NPTXR: variants seen among roughly 807,000 people sequenced by gnomAD.
NPTXR encodes the protein neuronal pentraxin receptor.
Under a neutral mutation model 32.2 loss-of-function variants are expected in NPTXR, and 12 were observed. The observed-to-expected ratio is 0.37, with a 90% CI of 0.24 to 0.60. The LOEUF is 0.60. NPTXR is among the 20% of genes least tolerant of loss of function. NPTXR has a pLI of 0.66. For synonymous variants in NPTXR, 323 were observed against 315.8 expected (o/e 1.02, Z -0.24); for missense variants, 612 against 682.9 (o/e 0.90, Z 1.16).
rs1427587998 is a variant in NPTXR at position 38,822,212 on chromosome 22, T to C, written c.*397A>G. 4.2e-6 allele frequency: 1 copy of C among 240,116 alleles called. No individual in the cohort carries two copies. Among genetic ancestry groups the C allele is most frequent in the Admixed American group, 4.9e-5 (1 of 20,540 alleles). The allele number at this position is 240,116 out of a possible 1,614,324, so 14.9% of individuals were successfully genotyped here. Reference sequence around the variant, plus strand: ...AGGGGAAGCCACTGGGCCTGTTGCATGGGGGACAAGGGGGCGGGCGGCCAC... The same window carrying C: ...AGGGGAAGCCACTGGGCCTGTTGCACGGGGGACAAGGGGGCGGGCGGCCAC... On this transcript the variant is annotated 3_prime_UTR_variant, in exon 5 of 5. Transcript: ENST00000333039.
intron 1 of NPTXR, among the ~76,000 whole-genome samples, chr22:38,833,908 C>T (rs979403911): frequency 6.6e-6 from 1 of 152,152 alleles, no homozygotes; most frequent in African/African-American, 2.4e-5. Flanking sequence ...CATCTCCTGA[C>T]CTTGTGATGG....
intron 1 of NPTXR, among the ~76,000 whole-genome samples, chr22:38,829,580 C>T (rs2093113010): frequency 6.6e-6 from 1 of 152,240 alleles, no homozygotes; most frequent in South Asian, 2.1e-4. Flanking sequence ...CACCATCCTC[C>T]TGGATTCCCC....
chr22:38,841,262 C>T (rs2093131222), intron 1 of NPTXR, among the ~76,000 whole-genome samples: 2 of 152,256 alleles, frequency 1.3e-5, no homozygotes, highest in Admixed American at 6.5e-5. Flanking sequence ...CAGGGCCCCG[C>T]CCTTCTCTGT....
chr22:38,820,100 T>C lies in NPTXR; in HGVS notation c.*2509A>G, dbSNP rs1375720477. The C allele has an allele frequency of 6.6e-6, 1 of 152,590 alleles. No homozygotes were observed. The highest frequency in any genetic ancestry group is 1.5e-5 in the Non-Finnish European group (1 of 68,026). 9.5% of individuals were successfully genotyped at this position (152,590 alleles called of 1,614,324 possible). On this transcript the variant is annotated 3_prime_UTR_variant, in exon 5 of 5. Transcript: ENST00000333039. ...AAACAATAACAGAAACACATCAAGC[T>C]TGGCGTCACTGAAATTGAAGTTCTG...
Position 38,828,351 on chromosome 22 carries a change from C to T in NPTXR, c.786G>A (p.Arg262=). ...ACTCCTTTTCCACTTCCTGCCTCTGCCGGCGGCTGCTGTGGCTGAGGGCCA... is the reference window on the plus strand; with the variant it reads ...ACTCCTTTTCCACTTCCTGCCTCTGTCGGCGGCTGCTGTGGCTGAGGGCCA... Residue 262 remains arginine (R), a synonymous_variant, in exon 2 of 5, where the codon CGG becomes CGA. Transcript: ENST00000333039. The T allele has an allele frequency of 6.2e-7, 1 of 1,613,176 alleles. No homozygotes were observed.
chr22:38,833,673 C>T (rs1283820666), intron 1 of NPTXR, among the ~76,000 whole-genome samples: 3 of 115,694 alleles, frequency 2.6e-5, no homozygotes, highest in Admixed American at 8.2e-5. Context: ...TTTTTTTTTG[C>T]GATGGAGTTT....
Position 38,834,674 on chromosome 22 carries a change from C to T in NPTXR, c.625-6162G>A, listed in dbSNP as rs2093121457. On this transcript the variant is annotated intron_variant, in intron 1 of 4. Coordinates refer to ENST00000333039, the MANE Select transcript of NPTXR (RefSeq NM_014293.4). The surrounding 1 kb of genome is among the most constrained non-coding windows in gnomAD (Gnocchi z 4.4). ...AGCAACATGGCGTCGTAGTTGCAGA[C>T]ACGAACTGTCACGTTAGACAGGCCA... 6.6e-6 allele frequency among the ~76,000 whole-genome samples: 1 copy of T among 152,082 alleles called. No homozygotes were observed. The highest frequency in any genetic ancestry group is 1.5e-5 in the Non-Finnish European group (1 of 68,026).
chr22:38,830,798 A>G (rs902823143), intron 1 of NPTXR, among the ~76,000 whole-genome samples: 1 of 152,150 alleles, frequency 6.6e-6, no homozygotes, highest in African/African-American at 2.4e-5. Flanking sequence ...GGCAACAGAC[A>G]CAAGTCACTG....
rs1435020171 is a variant in NPTXR, at chr22:38,843,474, T to C, written c.385A>G (p.Thr129Ala). 2 of 1,332,928 alleles carry C rather than the reference T, an allele frequency of 1.5e-6. No homozygotes were observed. The highest frequency in any genetic ancestry group is 3.9e-5 in the South Asian group (2 of 51,224). 82.6% of individuals were successfully genotyped at this position (1,332,928 alleles called of 1,614,324 possible). A position where few individuals can be genotyped will look rare whatever the true frequency, so the allele number is the denominator to read the frequency against. ...GCCGTCTGGCGCAGCTGCTCGGCCG[T>C]GCTCTGCAGCAGCAGCAGCTCTTCG... The change falls in exon 1 of 5, where the codon ACG becomes GCG. Residue 129 changes from threonine to alanine, a missense_variant. By Grantham distance (58) the Thr-to-Ala change is moderately conservative. Transcript: ENST00000333039. The surrounding 1 kb of genome is among the most constrained non-coding windows in gnomAD (Gnocchi z 5.3).
At chr22:38,833,555 C>T (rs749623053) in intron 1 of NPTXR, among the ~76,000 whole-genome samples, 3 of 152,054 alleles carry the variant, frequency 2.0e-5, no homozygotes, top group Admixed American at 2.0e-4. Context: ...CTCATAGCAT[C>T]GTGGTGAGGA....
At chr22:38,828,106 G>A (rs962067717) in intron 2 of NPTXR, among the ~76,000 whole-genome samples, 181 bp downstream of exon 2, 2 of 152,194 alleles carry the variant, frequency 1.3e-5, no homozygotes, top group African/African-American at 4.8e-5. Flanking sequence ...AATGAGATCT[G>A]TTAATAATGT....
At chr22:38,842,752 G>A (rs1568988186) in intron 1 of NPTXR, among the ~76,000 whole-genome samples, 1 of 152,184 alleles carries the variant, frequency 6.6e-6, no homozygotes, top group South Asian at 2.1e-4. Context: ...CTCTGTTCCC[G>A]GCTCTGTGTA....
In NPTXR at chr22:38,838,255, C is replaced by T. The variant is rs559604290; in HGVS notation, c.624+4980G>A. 3.3e-5 allele frequency among the ~76,000 whole-genome samples: 5 copies of T among 152,018 alleles called. No homozygotes were observed. The East Asian group carries it at 9.6e-4, about 29-fold the overall frequency. On this transcript the variant is annotated intron_variant, in intron 1 of 4. Coordinates refer to ENST00000333039, the MANE Select transcript of NPTXR (RefSeq NM_014293.4). ...GGGGAAAACTGAAGCTGGTGGGGGG[C>T]GGGGCAGGGATTTGCCTGGGTCTGT...
At chr22:38,841,687 A>C (rs2093131853) in intron 1 of NPTXR, among the ~76,000 whole-genome samples, 1 of 152,250 alleles carries the variant, frequency 6.6e-6, no homozygotes, top group Non-Finnish European at 1.5e-5. Flanking sequence ...ACTCAAATTG[A>C]CTGAACATAC....
intron 1 of NPTXR, among the ~76,000 whole-genome samples, chr22:38,835,377 T>C (rs545884847): frequency 6.6e-6 from 1 of 152,292 alleles, no homozygotes; most frequent in African/African-American, 2.4e-5. Flanking sequence ...CTCCGCCTCC[T>C]CCTACCCAGG....
chr22:38,840,574 G>A (rs888491833), intron 1 of NPTXR, among the ~76,000 whole-genome samples: 2 of 152,080 alleles, frequency 1.3e-5, no homozygotes, highest in African/African-American at 4.8e-5. Context: ...GCCAAGGATG[G>A]TTTCTCAGGG....
intron 1 of NPTXR, among the ~76,000 whole-genome samples, chr22:38,840,990 A>G (rs1484310760): frequency 1.3e-5 from 2 of 152,210 alleles, no homozygotes; most frequent in African/African-American, 4.8e-5. Flanking sequence ...CTCATTTATC[A>G]TCTTGGGGAC....
chr22:38,837,050 G>A (rs1300237700), intron 1 of NPTXR, among the ~76,000 whole-genome samples: 1 of 152,168 alleles, frequency 6.6e-6, no homozygotes, highest in African/African-American at 2.4e-5. Context: ...TCCTGACCTC[G>A]TGATACGCCC....
Position 38,826,653 on chromosome 22 carries a change from C to T in NPTXR, c.945G>A (p.Glu315=). ...ACATGCAGGCGGTGAATGCGTAGAG[C>T]TCGGGCAGAGCCTTCCGCACGCGGG... Residue 315 remains glutamate, a synonymous_variant, in exon 3 of 5, where the codon GAG becomes GAA. Transcript: ENST00000333039. 6.2e-7 allele frequency: 1 copy of T among 1,614,260 alleles called. No individual in the cohort carries two copies. The highest frequency in any genetic ancestry group is 1.1e-5 in the South Asian group (1 of 91,086).
Sources: allele counts gnomAD v4.1 joint callset (sites outside exome capture counted in the v4.1 genomes callset), GRCh38; gene constraint gnomAD v4.1.1; non-coding constraint Gnocchi (gnomAD v3.1); transcripts MANE v1.5; gene names NCBI Gene and HGNC (gene_info 2026-07-23, HGNC 2026-07-21).